Variants in TRAPPC10 observed in about 807,000 individuals in gnomAD.
TRAPPC10 encodes the protein trafficking protein particle complex subunit 10, also known as TRAPP 130 kDa subunit.
Under a neutral mutation model 125.5 loss-of-function variants are expected in TRAPPC10, and 23 were observed. That is an observed-to-expected ratio of 0.18 (90% confidence interval 0.13 to 0.26). The LOEUF (loss-of-function observed/expected upper bound fraction) is 0.26, where lower values mean the gene tolerates loss of function less well. Among genes scored for constraint, TRAPPC10 ranks in the 10% least tolerant of loss-of-function variants. The probability of loss-of-function intolerance (pLI) is 1.00; values close to 1 mark genes in which losing one functional copy is unlikely to be tolerated. For synonymous variants in TRAPPC10, 509 were observed against 518.0 expected (o/e 0.98, Z 0.24); for missense variants, 1,123 against 1,308.4 (o/e 0.86, Z 2.19).
rs534484023 is a variant in TRAPPC10 at position 44,038,855 on chromosome 21, G to A, written c.285+928G>A. Among the ~76,000 whole-genome samples the A allele has an allele frequency of 2.0e-4, 31 of 152,200 alleles. No homozygotes were observed. In the South Asian group the frequency reaches 4.6e-3, roughly 22 times the overall value. ...ACCCTTTCTCTGCTGACTTTGCTCC[G>A]CCTCCTTTCCCACGGGCTCCACACA... On this transcript the variant is annotated intron_variant, in intron 3 of 22. Coordinates refer to ENST00000291574, the MANE Select transcript of TRAPPC10 (RefSeq NM_003274.5).
At chr21:44,056,005 G>A (rs967069921) in intron 5 of TRAPPC10, 112 bp downstream of exon 5, 4 of 994,606 alleles carry the variant, frequency 4.0e-6, no homozygotes, top group African/African-American at 3.2e-5. Flanking sequence ...AATCTCATTG[G>A]CAGAGTTTTT....
At chr21:44,068,221 A>G (rs1222773437) in intron 7 of TRAPPC10, among the ~76,000 whole-genome samples, 1 of 152,178 alleles carries the variant, frequency 6.6e-6, no homozygotes, top group Non-Finnish European at 1.5e-5. Context: ...AGAGAGTGAA[A>G]TAGAATTCCT....
chr21:44,051,112 C>T (rs2035205739), intron 3 of TRAPPC10, among the ~76,000 whole-genome samples: 2 of 152,178 alleles, frequency 1.3e-5, no homozygotes, highest in South Asian at 2.1e-4. Flanking sequence ...CCATGTTGCC[C>T]AAGCTGGTCT....
At chr21:44,074,251 A>G in intron 7 of TRAPPC10, 73 bp from the exon 8 acceptor site, 5 of 1,585,466 alleles carry the variant, frequency 3.2e-6, no homozygotes, top group South Asian at 2.2e-5. Context: ...CGTTCAAGCT[A>G]GAGCATGTGG....
chr21:44,036,940 T>G (rs1382514871), intron 2 of TRAPPC10, among the ~76,000 whole-genome samples: 1 of 151,996 alleles, frequency 6.6e-6, no homozygotes, highest in Non-Finnish European at 1.5e-5. Context: ...AGAGAAAAGA[T>G]GGAAAAAGAA....
rs548158337 is a variant in TRAPPC10, at chr21:44,047,125, G to A, written c.286-5155G>A. Reference sequence around the variant, plus strand: ...GCGAGATCCCACCACCTACTCCTTCGGCGCACTGTGATTCAAACTGCTTGG... The same window carrying A: ...GCGAGATCCCACCACCTACTCCTTCAGCGCACTGTGATTCAAACTGCTTGG... On this transcript the variant is annotated intron_variant, in intron 3 of 22. Coordinates refer to ENST00000291574, the MANE Select transcript of TRAPPC10 (RefSeq NM_003274.5). 331 of 539,640 alleles carry A rather than the reference G, an allele frequency of 6.1e-4. 3 individuals carry two copies. The highest frequency in any genetic ancestry group is 1.1e-3 in the Admixed American group (39 of 34,798). 33.4% of individuals were successfully genotyped at this position (539,640 alleles called of 1,614,324 possible). A position where few individuals can be genotyped will look rare whatever the true frequency, so the allele number is the denominator to read the frequency against.
chr21:44,028,198 G>A (rs576893381), intron 1 of TRAPPC10, among the ~76,000 whole-genome samples: 1 of 152,312 alleles, frequency 6.6e-6, no homozygotes, highest in East Asian at 1.9e-4. Flanking sequence ...AATAATTCAG[G>A]AAATAGCTAA....
intron 2 of TRAPPC10, among the ~76,000 whole-genome samples, chr21:44,035,051 A>G (rs2033890907): frequency 6.6e-6 from 1 of 152,200 alleles, no homozygotes; most frequent in Non-Finnish European, 1.5e-5. Context: ...CTCATGCAGG[A>G]GGGCAGGTTG....
chr21:44,039,461 C>T (rs552886845), intron 3 of TRAPPC10, among the ~76,000 whole-genome samples: 22 of 152,280 alleles, frequency 1.4e-4, no homozygotes, highest in East Asian at 3.9e-4. Flanking sequence ...TGGAGTCAGC[C>T]GCGTCTCCAT....
intron 15 of TRAPPC10, among the ~76,000 whole-genome samples, chr21:44,086,366 G>A (rs925574221): frequency 6.6e-6 from 1 of 152,182 alleles, no homozygotes; most frequent in Non-Finnish European, 1.5e-5. Context: ...CCAAAAGCCC[G>A]TGGCCTGAAG....
chr21:44,058,831 A>C (rs2035811805), intron 5 of TRAPPC10, among the ~76,000 whole-genome samples: 1 of 152,238 alleles, frequency 6.6e-6, no homozygotes, highest in Non-Finnish European at 1.5e-5. Context: ...CCTGGACAGC[A>C]GGAAACATCC....
chr21:44,068,010 C>T (rs1010189182), intron 7 of TRAPPC10, among the ~76,000 whole-genome samples: 5 of 151,798 alleles, frequency 3.3e-5, no homozygotes, highest in Non-Finnish European at 4.4e-5. Context: ...ATCCCAGCTA[C>T]TCGGGAGGCT....
chr21:44,079,277 T>A (rs1380092721), intron 11 of TRAPPC10, among the ~76,000 whole-genome samples: 1 of 152,194 alleles, frequency 6.6e-6, no homozygotes, highest in Non-Finnish European at 1.5e-5. Context: ...ATCCTGAGAT[T>A]CAGCTATGAA....
chr21:44,013,639 G>T (rs1197544163), intron 1 of TRAPPC10, among the ~76,000 whole-genome samples: 1 of 152,146 alleles, frequency 6.6e-6, no homozygotes, highest in Admixed American at 6.5e-5. Context: ...GTATATTGAA[G>T]GTTGAATTTT....
intron 13 of TRAPPC10, among the ~76,000 whole-genome samples, chr21:44,081,404 A>T (rs1281903118): frequency 6.6e-6 from 1 of 151,686 alleles, no homozygotes; most frequent in Non-Finnish European, 1.5e-5. Flanking sequence ...AGGAATCTAC[A>T]CACCTCGGTC....
At chr21:44,092,494 CT>C (rs2146211178) in intron 19 of TRAPPC10, among the ~76,000 whole-genome samples, 1 of 152,332 alleles carries the variant, frequency 6.6e-6, no homozygotes, top group African/African-American at 2.4e-5. Flanking sequence ...CTGGATGAAT[CT>C]TGAACTTGCT....
At position 44,084,139 on chromosome 21, in the gene TRAPPC10, G is replaced by A. The variant is rs753808393; in HGVS notation, c.2256G>A (p.Thr752=). ...TFRTQAKEPG[T]YTLRQLCASV... is the part of the protein sequence containing the mutation. ...GACTCTAGGCCAAGGAACCTGGAAC[G>A]TATACACTCAGGCAGCTGTGCGCCT... The change falls in exon 15 of 23, where the codon ACG becomes ACA. Residue 752 remains threonine, a synonymous_variant. Transcript: ENST00000291574. The A allele has an allele frequency of 8.1e-6, 13 of 1,614,186 alleles. No homozygotes were observed. Among genetic ancestry groups the A allele is most frequent in the African/African-American group, 5.3e-5 (4 of 75,052 alleles).
chr21:44,086,592 C>A (rs1759538675), intron 15 of TRAPPC10, among the ~76,000 whole-genome samples: 1 of 152,066 alleles, frequency 6.6e-6, no homozygotes, highest in African/African-American at 2.4e-5. Context: ...TCTTTTTTCC[C>A]CAGCAAGGTT....
At chr21:44,060,714 C>T (rs1167986131) in intron 6 of TRAPPC10, among the ~76,000 whole-genome samples, 1 of 151,654 alleles carries the variant, frequency 6.6e-6, no homozygotes, top group East Asian at 1.9e-4. Context: ...GATTTTCGTG[C>T]CTAAGCCTCC....
Sources: gnomAD v4.1 joint callset for allele counts (sites outside exome capture counted in the v4.1 genomes callset) on GRCh38, gnomAD v4.1.1 for gene constraint, MANE v1.5 for transcripts, NCBI Gene and HGNC (gene_info 2026-07-23, HGNC 2026-07-21) for gene names.